Variants in NRG1 observed in about 807,000 individuals in gnomAD.
NRG1 encodes pro-neuregulin-1, membrane-bound isoform.
In NRG1, 18 loss-of-function variants were observed where a neutral mutation model predicts 63.8. That is an observed-to-expected ratio of 0.28 (90% confidence interval 0.19 to 0.42). NRG1 has a LOEUF of 0.42. NRG1 is among the 10% of genes least tolerant of loss of function. NRG1 has a pLI of 1.00. For missense variants in NRG1, 762 were observed against 814.7 expected, an observed-to-expected ratio of 0.94 and a Z score of 0.79; for synonymous variants, 302 against 301.3, an observed-to-expected ratio of 1.00 and a Z score of -0.02.
At chr8:32,629,719 C>G (rs1849933622) in intron 5 of NRG1, among the ~76,000 whole-genome samples, 3 of 151,764 alleles carry the variant, frequency 2.0e-5, no homozygotes. Flanking sequence ...TTCATTTTAT[C>G]ATAAATACTT....
At chr8:32,076,165 C>T (rs1030534895) in intron 1 of NRG1, among the ~76,000 whole-genome samples, 11 of 152,100 alleles carry the variant, frequency 7.2e-5, no homozygotes. Flanking sequence ...ATTGATACCA[C>T]CCAGAGTGGT....
Position 32,599,457 on chromosome 8 carries a change from T to C in NRG1, c.278+3452T>C, listed in dbSNP as rs540201317. Among the ~76,000 whole-genome samples, 16 of 152,298 alleles carry C rather than the reference T, an allele frequency of 1.1e-4. No homozygotes were observed. In the South Asian group the frequency reaches 2.7e-3, roughly 26 times the overall value. ...TTAGTGGCACAATTTCACAGCAATA[T>C]GCAATTTCTATTATTTTGTAAAATC... On this transcript the variant is annotated intron_variant, in intron 2 of 11. Transcript: ENST00000356819.
At chr8:32,581,109 G>A (rs1029754295) in intron 1 of NRG1, among the ~76,000 whole-genome samples, 1 of 152,144 alleles carries the variant, frequency 6.6e-6, no homozygotes, top group Non-Finnish European at 1.5e-5. Flanking sequence ...TCAACTCCAG[G>A]AGAACAAGGA....
At chr8:32,677,177 G>C (rs1206805111) in intron 5 of NRG1, among the ~76,000 whole-genome samples, 2 of 151,854 alleles carry the variant, frequency 1.3e-5, no homozygotes, top group Admixed American at 1.3e-4. Flanking sequence ...TCTTCAAACA[G>C]GTGAATAATT....
rs548704029 is a variant in NRG1 at position 31,931,790 on chromosome 8, G to A, written c.37+292359G>A. Reference sequence around the variant, plus strand: ...AGACTCGGGCTGTTCTGATGGTGGGGTCCAAGGGCAGCCTTGCTTCTGCCA... The same window carrying A: ...AGACTCGGGCTGTTCTGATGGTGGGATCCAAGGGCAGCCTTGCTTCTGCCA... On this transcript the variant is annotated intron_variant, in intron 1 of 10. Coordinates refer to the NRG1 transcript ENST00000519301. Among the ~76,000 whole-genome samples, 12 of 152,274 alleles carry A rather than the reference G, an allele frequency of 7.9e-5. No individual in the cohort carries two copies. The East Asian group carries it at 2.3e-3, about 29-fold the overall frequency.
chr8:32,730,231 T>C (rs1823293433), intron 6 of NRG1, among the ~76,000 whole-genome samples: 1 of 152,164 alleles, frequency 6.6e-6, no homozygotes, highest in Non-Finnish European at 1.5e-5. Flanking sequence ...ACGGATCTCT[T>C]GAGCCCAGGA....
chr8:32,137,539 G>T (rs1380950204), intron 1 of NRG1, among the ~76,000 whole-genome samples: 1 of 152,154 alleles, frequency 6.6e-6, no homozygotes, highest in African/African-American at 2.4e-5. Context: ...TTTTCTCTCT[G>T]TGTGTGCACA....
intron 1 of NRG1, among the ~76,000 whole-genome samples, chr8:32,237,352 A>G (rs564982044): frequency 2.6e-5 from 4 of 152,296 alleles, no homozygotes; most frequent in East Asian, 3.9e-4. Flanking sequence ...CTGCATTGCT[A>G]TAATTTCCAA....
intron 1 of NRG1, among the ~76,000 whole-genome samples, chr8:31,972,992 A>G (rs905667111): frequency 2.0e-5 from 3 of 152,224 alleles, no homozygotes; most frequent in Non-Finnish European, 2.9e-5. Context: ...CACTGTATGT[A>G]TAAATTTATG....
At chr8:32,008,932 C>T (rs1423875650) in intron 1 of NRG1, among the ~76,000 whole-genome samples, 1 of 152,042 alleles carries the variant, frequency 6.6e-6, no homozygotes, top group African/African-American at 2.4e-5. Flanking sequence ...TCTCCTTCTT[C>T]ACCCTTATCC....
intron 1 of NRG1, among the ~76,000 whole-genome samples, chr8:32,433,269 A>G (rs1818382029): frequency 6.6e-6 from 1 of 152,176 alleles, no homozygotes; most frequent in Non-Finnish European, 1.5e-5. Context: ...GCAAGGCTCT[A>G]AAGGAAGTTC....
chr8:32,654,502 G>A (rs1855855108), intron 5 of NRG1, among the ~76,000 whole-genome samples: 1 of 151,950 alleles, frequency 6.6e-6, no homozygotes, highest in South Asian at 2.1e-4. Flanking sequence ...GGGGGTTCAT[G>A]CCTATAATCC....
intron 1 of NRG1, among the ~76,000 whole-genome samples, chr8:31,869,956 A>G (rs1829335478): frequency 6.6e-6 from 1 of 152,208 alleles, no homozygotes; most frequent in Non-Finnish European, 1.5e-5. Flanking sequence ...AAAAGCAGCA[A>G]TACAATCAAG....
At chr8:32,458,093 T>G (rs1424017151) in intron 1 of NRG1, among the ~76,000 whole-genome samples, 1 of 152,118 alleles carries the variant, frequency 6.6e-6, no homozygotes, top group Non-Finnish European at 1.5e-5. Flanking sequence ...AATTTTTGTA[T>G]TTTTAGTAGA....
At position 32,046,205 on chromosome 8, in the gene NRG1, G is replaced by A. The variant is rs186266825; in HGVS notation, c.37+406774G>A. 5.3e-5 allele frequency among the ~76,000 whole-genome samples: 8 copies of A among 152,132 alleles called. No individual in the cohort carries two copies. In the East Asian group the frequency reaches 1.4e-3, roughly 26 times the overall value. On this transcript the variant is annotated intron_variant, in intron 1 of 10. Coordinates refer to the NRG1 transcript ENST00000519301. ...AACAGAACTATGTGCAACATCATTA[G>A]CTTAACTTAGGGAAATGCAACTAAA...
At chr8:32,063,801 C>T (rs1175923239) in intron 1 of NRG1, among the ~76,000 whole-genome samples, 1 of 152,092 alleles carries the variant, frequency 6.6e-6, no homozygotes, top group Non-Finnish European at 1.5e-5. Flanking sequence ...ACCTACCCTA[C>T]AACTCATAAT....
intron 1 of NRG1, among the ~76,000 whole-genome samples, chr8:32,079,068 G>A (rs1827038836): frequency 6.6e-6 from 1 of 151,828 alleles, no homozygotes; most frequent in Non-Finnish European, 1.5e-5. Flanking sequence ...CATATGGAAA[G>A]AAGCAAGGAT....
intron 1 of NRG1, among the ~76,000 whole-genome samples, chr8:32,449,904 G>T (rs1217340530): frequency 6.6e-6 from 1 of 152,168 alleles, no homozygotes; most frequent in East Asian, 1.9e-4. Context: ...CAATCGTGAA[G>T]ATTTATGGCA....
chr8:31,766,903 G>A lies in NRG1; in HGVS notation c.37+127472G>A, dbSNP rs1818123414. On this transcript the variant is annotated intron_variant, in intron 1 of 10. Coordinates refer to the NRG1 transcript ENST00000519301. ...ATGTATATATACTTAGCTCTCTTGG[G>A]CAAAAGCTTCTCCCTTTGTTCCACA... 2.0e-5 allele frequency among the ~76,000 whole-genome samples: 3 copies of A among 152,110 alleles called. No homozygotes were observed. The South Asian group carries it at 6.2e-4, about 31-fold the overall frequency.
Sources: gnomAD v4.1 joint callset for allele counts (sites outside exome capture counted in the v4.1 genomes callset) on GRCh38, gnomAD v4.1.1 for gene constraint, MANE v1.5 for transcripts, NCBI Gene and HGNC (gene_info 2026-07-23, HGNC 2026-07-21) for gene names.